The following PCGF3 variants were observed in gnomAD, a reference collection of about 807,000 sequenced individuals.
The protein encoded by PCGF3 is polycomb group RING finger protein 3.
A neutral mutation model predicts 33.1 loss-of-function variants in PCGF3; 7 were observed. The ratio of observed to expected loss-of-function variants is 0.21; its 90% confidence interval spans 0.12 to 0.40. The LOEUF (loss-of-function observed/expected upper bound fraction) is 0.40. Among genes scored for constraint, PCGF3 ranks in the 10% least tolerant of loss-of-function variants. The pLI is 1.00. For missense variants in PCGF3, 211 were observed against 313.3 expected (o/e 0.67, Z 2.46); for synonymous variants, 153 against 121.3 (o/e 1.26, Z -1.72).
At chr4:755,347 C>T (rs907898611) in intron 8 of PCGF3, among the ~76,000 whole-genome samples, 6 of 152,030 alleles carry the variant, frequency 3.9e-5, no homozygotes, top group Non-Finnish European at 7.4e-5. Flanking sequence ...AGCGACTCAT[C>T]GCACGTCTCT....
At chr4:732,863 C>CT (rs1249771162) in intron 3 of PCGF3, among the ~76,000 whole-genome samples, 2 of 152,272 alleles carry the variant, frequency 1.3e-5, no homozygotes, top group Admixed American at 1.3e-4. Context: ...AGCGGCCCTG[C>CT]TCTCTTGCCT....
At chr4:768,815 G>A (rs1375865072) in exon 11 of PCGF3, 4 of 152,548 alleles carry the variant, frequency 2.6e-5, no homozygotes, top group Admixed American at 2.6e-4. Flanking sequence ...GAGATGTTTT[G>A]CAAGCTTCTT....
At chr4:768,693 C>T (rs572931364) in exon 11 of PCGF3, 12 of 151,310 alleles carry the variant, frequency 7.9e-5, no homozygotes, top group African/African-American at 2.0e-4. Flanking sequence ...AAAAAGAAAA[C>T]TTAACTTTAT....
intron 8 of PCGF3, among the ~76,000 whole-genome samples, chr4:753,535 T>G (rs1283591365): frequency 6.6e-6 from 1 of 151,820 alleles, no homozygotes; most frequent in African/African-American, 2.4e-5. Context: ...GCACCTGTAC[T>G]CGGAGGCTGA....
intron 6 of PCGF3, among the ~76,000 whole-genome samples, chr4:740,287 C>T (rs1341309266): frequency 2.0e-5 from 3 of 152,252 alleles, no homozygotes; most frequent in Admixed American, 6.5e-5. Flanking sequence ...CGCACCCCCA[C>T]ATGGTGGGGG....
At chr4:734,980 C>T (rs1326504712) in exon 5 of PCGF3, 5 of 1,613,588 alleles carry the variant, frequency 3.1e-6, no homozygotes, top group African/African-American at 2.7e-5. Flanking sequence ...ACACCTGCCC[C>T]ACCTGCAGGA....
At chr4:714,748 T>A (rs1742735161) in intron 1 of PCGF3, among the ~76,000 whole-genome samples, 1 of 152,190 alleles carries the variant, frequency 6.6e-6, no homozygotes, top group Non-Finnish European at 1.5e-5. Flanking sequence ...CTCTTCAGTC[T>A]CAGCTGGAGA....
At chr4:754,968 ACTT>A (rs1273648784) in intron 8 of PCGF3, among the ~76,000 whole-genome samples, 1 of 152,132 alleles carries the variant, frequency 6.6e-6, no homozygotes, top group African/African-American at 2.4e-5. Context: ...GCTCTTTTTC[ACTT>A]CCAGGTGGAC....
chr4:724,022 A>C (rs1743225591), intron 1 of PCGF3: 1 of 152,344 alleles, frequency 6.6e-6, no homozygotes, highest in African/African-American at 2.4e-5. Context: ...CTGTCTGCCC[A>C]GGACTGCAAG....
chr4:761,794 G>A lies in PCGF3; in HGVS notation c.600+378G>A, dbSNP rs1196303829. The A allele has an allele frequency of 5.1e-6, 5 of 985,332 alleles. No individual in the cohort carries two copies. In the African/African-American group the frequency reaches 8.7e-5, roughly 17 times the overall value. The allele number at this position is 985,332 out of a possible 1,614,324, so 61.0% of individuals were successfully genotyped here. ...GGCTGTGGTGTGTAAGGAGACGAAG[G>A]AGTGCTGGCATGAGGCGGCCTTGGC... On this transcript the variant is annotated intron_variant, in intron 9 of 10. Coordinates refer to ENST00000362003, the Ensembl canonical transcript of PCGF3.
chr4:761,642 G>A (rs930627562), intron 9 of PCGF3: 1 of 984,078 alleles, frequency 1.0e-6, no homozygotes, highest in Non-Finnish European at 1.2e-6. Context: ...GAGTGGAAGA[G>A]AGAACTAGGG....
chr4:710,884 CGACT>C (rs1292322097), intron 1 of PCGF3, among the ~76,000 whole-genome samples: 1 of 152,162 alleles, frequency 6.6e-6, no homozygotes, highest in Non-Finnish European at 1.5e-5. Flanking sequence ...AATTATCAAC[CGACT>C]TCTGTTAAGT....
At chr4:714,564 C>T (rs1742722639) in intron 1 of PCGF3, among the ~76,000 whole-genome samples, 2 of 152,194 alleles carry the variant, frequency 1.3e-5, no homozygotes, top group Non-Finnish European at 1.5e-5. Context: ...CCATGTTTTC[C>T]TGAACCAGAG....
intron 1 of PCGF3, among the ~76,000 whole-genome samples, chr4:711,703 C>T (rs1307024778): frequency 7.9e-5 from 12 of 151,298 alleles, no homozygotes; most frequent in South Asian, 2.1e-4. Flanking sequence ...ATGATCCACC[C>T]GCCTCGGCCT....
rs1560198388 is a variant in PCGF3 at position 720,574 on chromosome 4, CCCCACGT to C, written c.-189-10055_-189-10049del. 1.3e-5 allele frequency among the ~76,000 whole-genome samples: 2 copies of C among 148,472 alleles called. No individual in the cohort carries two copies. The highest frequency in any genetic ancestry group is 5.0e-5 in the African/African-American group (2 of 39,840). On this transcript the variant is annotated intron_variant, in intron 1 of 10. Transcript: ENST00000362003. The surrounding 1 kb of genome is among the most constrained non-coding windows in gnomAD (Gnocchi z 5.6). ...GGACGCAGCCCCGACGTGAACAGGACCCCACGTGGACGGGCAGTGACGTGCGTGTGGA... is the reference window on the plus strand; with the variant it reads ...GGACGCAGCCCCGACGTGAACAGGACGGACGGGCAGTGACGTGCGTGTGGA...
exon 11 of PCGF3, chr4:770,086 T>G: frequency 6.6e-6 from 1 of 152,614 alleles, no homozygotes; most frequent in East Asian, 1.9e-4. Context: ...AAAGAAAAGC[T>G]TAAGTGAAAG....
exon 11 of PCGF3, chr4:769,047 G>C (rs1354404617): frequency 6.5e-6 from 1 of 152,710 alleles, no homozygotes; most frequent in Non-Finnish European, 1.5e-5. Flanking sequence ...TGAGAATGCT[G>C]TTATTGGGGT....
intron 9 of PCGF3, among the ~76,000 whole-genome samples, chr4:763,519 A>T (rs1745186357): frequency 6.6e-6 from 1 of 152,216 alleles, no homozygotes; most frequent in African/African-American, 2.4e-5. Flanking sequence ...ACGCAAGGAA[A>T]ACTGCGTGGC....
Position 762,017 on chromosome 4 carries a change from G to A in PCGF3, c.600+601G>A, listed in dbSNP as rs986041818. Reference sequence around the variant, plus strand: ...AGAAATGGACGCAGGAGAGGCCAGCGCCAGGAGTTGCAGGAGAGGCGGACT... The same window carrying A: ...AGAAATGGACGCAGGAGAGGCCAGCACCAGGAGTTGCAGGAGAGGCGGACT... On this transcript the variant is annotated intron_variant, in intron 9 of 10. Coordinates refer to ENST00000362003, the Ensembl canonical transcript of PCGF3. 1.5e-5 allele frequency: 15 copies of A among 985,196 alleles called. No homozygotes were observed. In the Admixed American group the frequency reaches 3.1e-4, roughly 20 times the overall value. The allele number at this position is 985,196 out of a possible 1,614,324, so 61.0% of individuals were successfully genotyped here. A position where few individuals can be genotyped will look rare whatever the true frequency, so the allele number is the denominator to read the frequency against.
Sources: allele counts gnomAD v4.1 joint callset (sites outside exome capture counted in the v4.1 genomes callset), GRCh38; gene constraint gnomAD v4.1.1; non-coding constraint Gnocchi (gnomAD v3.1); transcripts MANE v1.5; gene names NCBI Gene and HGNC (gene_info 2026-07-23, HGNC 2026-07-21).